The following SNX8 variants were observed in gnomAD, a reference collection of about 807,000 sequenced individuals.
SNX8 encodes the protein sorting nexin-8.
SNX8 carries 25 observed loss-of-function variants against 51.6 expected under a neutral mutation model. The observed-to-expected ratio is 0.48, with a 90% confidence interval of 0.35 to 0.68. The LOEUF (loss-of-function observed/expected upper bound fraction) is 0.68, where lower values mean the gene tolerates loss of function less well. Ranked by LOEUF, SNX8 falls within the 30% of genes least tolerant of loss-of-function variation. SNX8 has a pLI of 0.00. For missense variants in SNX8, 695 were observed against 624.0 expected, an observed-to-expected ratio of 1.11 and a Z score of -1.21; for synonymous variants, 324 against 277.0, an observed-to-expected ratio of 1.17 and a Z score of -1.68.
intron 1 of SNX8, among the ~76,000 whole-genome samples, chr7:2,292,913 C>A (rs913618035): frequency 6.6e-6 from 1 of 151,970 alleles, no homozygotes. Flanking sequence ...GTCCCAGCTA[C>A]CCAAGAAGCC....
chr7:2,303,104 G>A (rs1480962902), intron 1 of SNX8, among the ~76,000 whole-genome samples: 1 of 147,082 alleles, frequency 6.8e-6, no homozygotes, highest in Admixed American at 6.7e-5. Flanking sequence ...CGGGAGGGAG[G>A]TGGGGGGGTC....
At chr7:2,256,772 C>A in intron 10 of SNX8, 102 bp downstream of exon 10, 1 of 1,219,676 alleles carries the variant, frequency 8.2e-7, no homozygotes, top group South Asian at 1.6e-5. Flanking sequence ...ACTAAAGAAC[C>A]TCTCTAGGGC....
intron 5 of SNX8, among the ~76,000 whole-genome samples, chr7:2,266,030 T>C (rs113070491): frequency 5.3e-5 from 8 of 152,276 alleles, no homozygotes; most frequent in African/African-American, 1.7e-4. Flanking sequence ...AGTGGGAGAA[T>C]TGCTTGAACT....
At chr7:2,348,855 G>C (rs1351623778) in intron 1 of SNX8, among the ~76,000 whole-genome samples, 2 of 151,044 alleles carry the variant, frequency 1.3e-5, no homozygotes, top group African/African-American at 4.9e-5. Context: ...GGGAGGCTGA[G>C]GCAGAAGAAT....
chr7:2,274,476 A>T (rs781364309), intron 3 of SNX8, among the ~76,000 whole-genome samples: 3 of 152,328 alleles, frequency 2.0e-5, no homozygotes, highest in African/African-American at 7.2e-5. Flanking sequence ...GTGAGATCAG[A>T]GCTGGCAGCC....
At chr7:2,261,790 C>T (rs1286144284) in intron 7 of SNX8, among the ~76,000 whole-genome samples, 3 of 152,226 alleles carry the variant, frequency 2.0e-5, no homozygotes, top group East Asian at 1.9e-4. Context: ...GCAAAGACAT[C>T]GAATTTCCTC....
intron 3 of SNX8, among the ~76,000 whole-genome samples, chr7:2,273,494 G>A (rs1795697938): frequency 1.3e-5 from 2 of 151,694 alleles, no homozygotes; most frequent in African/African-American, 2.4e-5. Context: ...ACTCAGGCAG[G>A]AGAATGGCGT....
At chr7:2,273,552 C>T (rs1049328098) in intron 3 of SNX8, among the ~76,000 whole-genome samples, 2 of 148,980 alleles carry the variant, frequency 1.3e-5, no homozygotes, top group African/African-American at 5.0e-5. Flanking sequence ...CACCACTGCA[C>T]TCCAGCCTGG....
rs1488555593 is a variant in SNX8 at position 2,253,665 on chromosome 7, G to C, written c.*1391C>G. On this transcript the variant is annotated 3_prime_UTR_variant, in exon 11 of 11. Transcript: ENST00000222990. ...CCCGAGCCCCACAGCCACCGAGTCA[G>C]CACAGCCCACGGGGCCAGAAGGCAC... 5 of 152,442 alleles carry C rather than the reference G, an allele frequency of 3.3e-5. No individual in the cohort carries two copies. Among genetic ancestry groups the C allele is most frequent in the African/African-American group, 1.2e-4 (5 of 41,396 alleles). The allele number at this position is 152,442 out of a possible 1,614,324, so 9.4% of individuals were successfully genotyped here.
rs1283614848 is a variant in SNX8 at position 2,285,541 on chromosome 7, C to T, written c.95-7236G>A. Among the ~76,000 whole-genome samples the T allele has an allele frequency of 2.0e-5, 3 of 152,300 alleles. No individual in the cohort carries two copies. In the East Asian group the frequency reaches 5.8e-4, roughly 29 times the overall value. On this transcript the variant is annotated intron_variant, in intron 1 of 10. Transcript: ENST00000222990. ...CTGTGGCCAGGGAACAGCAGGAACG[C>T]CCCTCGAACATGGAGAAATAGAGAT...
chr7:2,293,095 T>C (rs1796190240), intron 1 of SNX8, among the ~76,000 whole-genome samples: 2 of 150,620 alleles, frequency 1.3e-5, no homozygotes, highest in Admixed American at 6.6e-5. Context: ...GTGCTGCAAA[T>C]GACACCACCA....
chr7:2,329,669 A>C (rs1341656553), intron 1 of SNX8, among the ~76,000 whole-genome samples: 1 of 152,184 alleles, frequency 6.6e-6, no homozygotes, highest in East Asian at 1.9e-4. Context: ...AGCTGACGTC[A>C]TGAAGCCTCC....
Position 2,255,083 on chromosome 7 carries a change from C to G in SNX8, c.1371G>C (p.Pro457=), listed in dbSNP as rs148399546. Residue 457 remains proline (P), a synonymous_variant, in exon 11 of 11, where the codon CCG becomes CCC. Transcript: ENST00000222990. ...PHSTLTPPCS[P]PEDGLCPH Reference sequence around the variant, plus strand: ...AGTGAGGACACAGGCCGTCCTCCGGCGGGGAGCACGGTGGGGTCAGGGTGC... The same window carrying G: ...AGTGAGGACACAGGCCGTCCTCCGGGGGGGAGCACGGTGGGGTCAGGGTGC... The G allele has an allele frequency of 6.3e-7, 1 of 1,577,152 alleles. No individual in the cohort carries two copies. Among genetic ancestry groups the G allele is most frequent in the African/African-American group, 1.3e-5 (1 of 74,120 alleles).
At chr7:2,301,172 C>T (rs1255465200) in intron 1 of SNX8, among the ~76,000 whole-genome samples, 4 of 152,150 alleles carry the variant, frequency 2.6e-5, no homozygotes, top group African/African-American at 4.8e-5. Flanking sequence ...TAAGGAAAAC[C>T]ATCTGAAGAG....
rs1036379522 is a variant in SNX8 at position 2,254,858 on chromosome 7, C to T, written c.*198G>A. The T allele has an allele frequency of 1.1e-5, 7 of 610,270 alleles. No homozygotes were observed. Among genetic ancestry groups the T allele is most frequent in the East Asian group, 2.8e-5 (1 of 35,750 alleles). The allele number at this position is 610,270 out of a possible 1,614,324, so 37.8% of individuals were successfully genotyped here. ...TCGACCAGGCTAGCAGGCCACAGGG[C>T]GAAGGACAGTGTGGCCCAGCTGCCC... On this transcript the variant is annotated 3_prime_UTR_variant, in exon 11 of 11. Coordinates refer to ENST00000222990, the MANE Select transcript of SNX8 (RefSeq NM_013321.4).
chr7:2,290,838 C>T (rs1796134050), intron 1 of SNX8, among the ~76,000 whole-genome samples: 1 of 152,212 alleles, frequency 6.6e-6, no homozygotes, highest in Non-Finnish European at 1.5e-5. Flanking sequence ...CCACCACGGC[C>T]TCTCTGCCAA....
At chr7:2,259,825 C>T (rs943132068) in intron 7 of SNX8, among the ~76,000 whole-genome samples, 2 of 152,084 alleles carry the variant, frequency 1.3e-5, no homozygotes, top group South Asian at 4.1e-4. Context: ...TCCCTCTGTT[C>T]GTGTCATTTG....
chr7:2,269,174 G>T (rs1321152953), intron 5 of SNX8, among the ~76,000 whole-genome samples: 1 of 150,722 alleles, frequency 6.6e-6, no homozygotes. Flanking sequence ...TTTTCATTTT[G>T]TTCTGTACTA....
chr7:2,259,157 T>C (rs1182292739), intron 7 of SNX8, among the ~76,000 whole-genome samples: 1 of 151,810 alleles, frequency 6.6e-6, no homozygotes, highest in Admixed American at 6.6e-5. Flanking sequence ...ACAGCAGGGG[T>C]CTGGGGAAGG....
Sources: gnomAD v4.1 joint callset for allele counts (sites outside exome capture counted in the v4.1 genomes callset) on GRCh38, gnomAD v4.1.1 for gene constraint, MANE v1.5 for transcripts, NCBI Gene and HGNC (gene_info 2026-07-23, HGNC 2026-07-21) for gene names.